The following KALRN variants were observed in gnomAD, a reference collection of about 807,000 sequenced individuals.
KALRN encodes kalirin.
In KALRN, 70 loss-of-function variants were observed where a neutral mutation model predicts 353.7. That is an observed-to-expected ratio of 0.20 (90% CI 0.16 to 0.24). KALRN has a LOEUF of 0.24. Ranked by LOEUF, KALRN falls within the 10% of genes least tolerant of loss-of-function variation. The pLI is 1.00. For synonymous variants in KALRN, 1,391 were observed against 1,434.8 expected, an observed-to-expected ratio of 0.97 and a Z score of 0.69; for missense variants, 2,791 against 3,756.7, an observed-to-expected ratio of 0.74 and a Z score of 6.72.
chr3:124,181,702 G>C (rs2073623929), intron 1 of KALRN, among the ~76,000 whole-genome samples: 1 of 152,188 alleles, frequency 6.6e-6, no homozygotes. Flanking sequence ...CAGTCGTTTG[G>C]AAGGAATTGG....
At chr3:124,602,586 C>T (rs1480512903) in intron 34 of KALRN, among the ~76,000 whole-genome samples, 1 of 152,132 alleles carries the variant, frequency 6.6e-6, no homozygotes, top group Non-Finnish European at 1.5e-5. Context: ...ACTACCAGCT[C>T]TTCTAAAGGA....
chr3:124,431,905 T>C (rs2093293615), intron 16 of KALRN, among the ~76,000 whole-genome samples: 1 of 152,234 alleles, frequency 6.6e-6, no homozygotes, highest in Non-Finnish European at 1.5e-5. Flanking sequence ...GAACCATTAC[T>C]AGTACTAGAA....
intron 1 of KALRN, among the ~76,000 whole-genome samples, chr3:124,114,341 T>TG (rs2063268154): frequency 1.3e-5 from 2 of 152,170 alleles, no homozygotes; most frequent in Non-Finnish European, 2.9e-5. Context: ...GCCAATGCCG[T>TG]GGGCTCACAT....
intron 10 of KALRN, among the ~76,000 whole-genome samples, chr3:124,367,597 C>T (rs1474153244): frequency 2.5e-5 from 1 of 40,202 alleles, no homozygotes; most frequent in Non-Finnish European, 4.9e-5. Flanking sequence ...CAGGCAGAGG[C>T]GCCCCTCACC....
chr3:124,455,090 G>T (rs997645671), intron 21 of KALRN, 87 bp from the exon 22 acceptor site: 2 of 1,457,488 alleles, frequency 1.4e-6, no homozygotes, highest in African/African-American at 2.8e-5. Context: ...GGTATCTATG[G>T]CTGCTCTAAA....
At chr3:124,548,703 G>C (rs962529278) in intron 33 of KALRN, among the ~76,000 whole-genome samples, 1 of 152,172 alleles carries the variant, frequency 6.6e-6, no homozygotes, top group African/African-American at 2.4e-5. Flanking sequence ...GCCCAGGCTG[G>C]AGAGCAATGG....
At chr3:124,619,211 C>G (rs745771844) in intron 34 of KALRN, among the ~76,000 whole-genome samples, 4 of 151,822 alleles carry the variant, frequency 2.6e-5, no homozygotes, top group Non-Finnish European at 5.9e-5. Context: ...AACATAGTGC[C>G]TTCCAGGTTC....
intron 34 of KALRN, among the ~76,000 whole-genome samples, chr3:124,627,966 C>G (rs912011125): frequency 3.9e-5 from 6 of 152,158 alleles, no homozygotes; most frequent in Non-Finnish European, 8.8e-5. Context: ...CTTCCAAATA[C>G]AAATATTCTG....
chr3:124,395,072 C>A, intron 11 of KALRN, 63 bp from the exon 12 acceptor site: 1 of 1,343,482 alleles, frequency 7.4e-7, no homozygotes, highest in South Asian at 1.3e-5. Context: ...AGCTTCCTTG[C>A]CCTCACCCCA....
At chr3:124,500,619 T>C (rs947824358) in intron 33 of KALRN, among the ~76,000 whole-genome samples, 3 of 152,218 alleles carry the variant, frequency 2.0e-5, no homozygotes, top group Non-Finnish European at 1.5e-5. Flanking sequence ...GGTGCCTCAG[T>C]AAATGGCATT....
intron 32 of KALRN, among the ~76,000 whole-genome samples, chr3:124,495,957 G>GTATATATATATATATATATATATA (rs201949824): frequency 6.8e-5 from 3 of 44,224 alleles, no homozygotes; most frequent in East Asian, 9.4e-4. Context: ...GTGTGTATGT[G>GTATATATATATATATATATATATA]TATGTATGTA....
chr3:124,240,906 A>G (rs1182269010), intron 3 of KALRN, among the ~76,000 whole-genome samples: 3 of 152,166 alleles, frequency 2.0e-5, no homozygotes, highest in Non-Finnish European at 4.4e-5. Context: ...GGTGCTCGTA[A>G]TTGTTAGTCT....
intron 7 of KALRN, 85 bp from the exon 8 acceptor site, chr3:124,329,776 C>T: frequency 1.4e-6 from 2 of 1,471,580 alleles, no homozygotes; most frequent in Admixed American, 1.9e-5. Flanking sequence ...TGTTTCTTCC[C>T]AAGGTATCTG....
At chr3:124,376,247 A>G (rs1267781281) in intron 10 of KALRN, among the ~76,000 whole-genome samples, 1 of 152,324 alleles carries the variant, frequency 6.6e-6, no homozygotes, top group East Asian at 1.9e-4. Flanking sequence ...GAAGATTTAT[A>G]TACATAGTCT....
At chr3:124,573,352 C>T (rs2073756549) in intron 34 of KALRN, among the ~76,000 whole-genome samples, 1 of 152,180 alleles carries the variant, frequency 6.6e-6, no homozygotes, top group South Asian at 2.1e-4. Context: ...TATGCCCCAC[C>T]AAAGGTGGTC....
At chr3:124,477,838 G>GAA (rs149311845) in intron 27 of KALRN, among the ~76,000 whole-genome samples, 2 of 149,138 alleles carry the variant, frequency 1.3e-5, no homozygotes, top group Admixed American at 6.7e-5. Context: ...ACCTTTTTTG[G>GAA]AAAAAAAAAA....
At chr3:124,470,135 A>G (rs2060743182) in intron 25 of KALRN, among the ~76,000 whole-genome samples, 1 of 152,194 alleles carries the variant, frequency 6.6e-6, no homozygotes, top group African/African-American at 2.4e-5. Flanking sequence ...CATTGCCTTG[A>G]TCTTGACATT....
At chr3:124,361,309 TACAG>T (rs1262026464) in intron 10 of KALRN, among the ~76,000 whole-genome samples, 2 of 152,230 alleles carry the variant, frequency 1.3e-5, no homozygotes, top group Admixed American at 6.5e-5. Context: ...ATGTAAAACA[TACAG>T]ACAAGCAAAA....
chr3:124,599,195 T>C (rs1036166080), intron 34 of KALRN, among the ~76,000 whole-genome samples: 2 of 152,202 alleles, frequency 1.3e-5, no homozygotes, highest in African/African-American at 4.8e-5. Context: ...TTTTGCTAAC[T>C]ACTATGGGAG....
Sources: allele counts gnomAD v4.1 joint callset (sites outside exome capture counted in the v4.1 genomes callset), GRCh38; gene constraint gnomAD v4.1.1; transcripts MANE v1.5; gene names NCBI Gene and HGNC (gene_info 2026-07-23, HGNC 2026-07-21).